KIF16B: variants seen among roughly 807,000 people sequenced by gnomAD.
The protein encoded by KIF16B is kinesin-like protein KIF16B.
Under a neutral mutation model 156.3 loss-of-function variants are expected in KIF16B, and 98 were observed. The ratio of observed to expected loss-of-function variants is 0.63; its 90% CI spans 0.53 to 0.74. The LOEUF (loss-of-function observed/expected upper bound fraction) is 0.74, where lower values mean the gene tolerates loss of function less well. Among genes scored for constraint, KIF16B ranks in the 30% least tolerant of loss-of-function variants. The pLI is 0.00. For synonymous variants in KIF16B, 564 were observed against 583.7 expected, an observed-to-expected ratio of 0.97 and a Z score of 0.49; for missense variants, 1,421 against 1,606.5, an observed-to-expected ratio of 0.88 and a Z score of 1.97.
chr20:16,304,663 T>C (rs894312075), intron 25 of KIF16B, among the ~76,000 whole-genome samples: 4 of 152,242 alleles, frequency 2.6e-5, no homozygotes, highest in Non-Finnish European at 5.9e-5. Context: ...TATTATTATA[T>C]GTTTTGTAAG....
At chr20:16,299,469 T>C (rs369556870) in intron 25 of KIF16B, among the ~76,000 whole-genome samples, 1 of 152,342 alleles carries the variant, frequency 6.6e-6, no homozygotes, top group African/African-American at 2.4e-5. Context: ...CTTTGCATGG[T>C]AGAAATTGGC....
In KIF16B at chr20:16,573,402, C is replaced by G. The variant is rs990600700; in HGVS notation, c.-127G>C. On this transcript the variant is annotated 5_prime_UTR_variant, in exon 1 of 26. Coordinates refer to ENST00000354981, the MANE Select transcript of KIF16B (RefSeq NM_024704.5). The stretch of plus-strand genomic sequence containing the variant: ...TCGCCCCCGCCCCTCTGCTCCCGGC[C>G]GGACCTGGAGTTCCGCGGCAGCCCC... The G allele has an allele frequency of 1.4e-5, 15 of 1,082,520 alleles. No homozygotes were observed. Among genetic ancestry groups the G allele is most frequent in the Non-Finnish European group, 1.9e-5 (14 of 749,040 alleles). 67.1% of individuals were successfully genotyped at this position (1,082,520 alleles called of 1,614,324 possible). A position where few individuals can be genotyped will look rare whatever the true frequency, so the allele number is the denominator to read the frequency against.
At chr20:16,312,558 C>T (rs574425472) in intron 24 of KIF16B, 140 bp from the exon 25 acceptor site, 4 of 655,722 alleles carry the variant, frequency 6.1e-6, no homozygotes, top group East Asian at 5.6e-5. Flanking sequence ...TCCTGCCTTG[C>T]TTTATCACCA....
intron 14 of KIF16B, among the ~76,000 whole-genome samples, chr20:16,428,502 A>T (rs1177025925): frequency 6.6e-6 from 1 of 152,186 alleles, no homozygotes; most frequent in Non-Finnish European, 1.5e-5. Context: ...CCATGCTTCC[A>T]CATGTGTGTA....
chr20:16,336,574 C>T (rs1568861714), intron 23 of KIF16B, among the ~76,000 whole-genome samples: 1 of 152,132 alleles, frequency 6.6e-6, no homozygotes, highest in East Asian at 1.9e-4. Context: ...TTCTCCACTT[C>T]CCACCTTTCT....
In KIF16B at chr20:16,427,182, C is replaced by T; in HGVS notation, c.1534G>A (p.Val512Met). 1.2e-6 allele frequency: 2 copies of T among 1,612,988 alleles called. No individual in the cohort carries two copies. The highest frequency in any genetic ancestry group is 2.2e-5 in the East Asian group (1 of 44,820). Residue 512 changes from valine to methionine, a missense_variant, in exon 15 of 26, where the codon GTG becomes ATG. Transcript: ENST00000354981. ...HCIFENIGGTVTLIPLSGSQC... is the reference protein window; with the variant it reads ...HCIFENIGGTMTLIPLSGSQC... Reference sequence around the variant, plus strand: ...GACCCACTCAGGGGTATCAGAGTCACTGTCCCCCCGATATTTTCAAAGATG... The same window carrying T: ...GACCCACTCAGGGGTATCAGAGTCATTGTCCCCCCGATATTTTCAAAGATG...
rs2063001034 is a variant in KIF16B, at chr20:16,272,715, T to G, written c.*538A>C. ...CTGTGTAAACATCAGTGTTTGGGTT[T>G]TATATAAAAGTTCTGATTCAAATGA... On this transcript the variant is annotated 3_prime_UTR_variant, in exon 26 of 26. Coordinates refer to ENST00000354981, the MANE Select transcript of KIF16B (RefSeq NM_024704.5). 1 of 152,816 alleles carries G rather than the reference T, an allele frequency of 6.5e-6. No homozygotes were observed. Among genetic ancestry groups the G allele is most frequent in the Non-Finnish European group, 1.5e-5 (1 of 68,188 alleles). The allele number at this position is 152,816 out of a possible 1,614,324, so 9.5% of individuals were successfully genotyped here. A position where few individuals can be genotyped will look rare whatever the true frequency, so the allele number is the denominator to read the frequency against.
At chr20:16,442,680 G>C (rs1294985256) in intron 12 of KIF16B, among the ~76,000 whole-genome samples, 1 of 152,036 alleles carries the variant, frequency 6.6e-6, no homozygotes. Flanking sequence ...GGAGTAGGGT[G>C]GGAGGAGAAC....
At chr20:16,356,235 A>C in intron 23 of KIF16B, 95 bp downstream of exon 23, 1 of 1,473,384 alleles carries the variant, frequency 6.8e-7, no homozygotes, top group Non-Finnish European at 9.4e-7. Flanking sequence ...GGATATTCAC[A>C]TGCAGCTTCA....
At chr20:16,460,579 C>T (rs975330173) in intron 12 of KIF16B, among the ~76,000 whole-genome samples, 3 of 151,838 alleles carry the variant, frequency 2.0e-5, no homozygotes, top group Non-Finnish European at 2.9e-5. Context: ...AAAAAATATT[C>T]GCAATGAGCC....
intron 25 of KIF16B, among the ~76,000 whole-genome samples, chr20:16,311,457 C>T (rs764227188): frequency 2.6e-5 from 4 of 152,206 alleles, no homozygotes; most frequent in Non-Finnish European, 4.4e-5. Flanking sequence ...CACTGAACTC[C>T]AGCCTGGGCA....
At chr20:16,482,943 A>C (rs931918608) in intron 12 of KIF16B, among the ~76,000 whole-genome samples, 2 of 152,088 alleles carry the variant, frequency 1.3e-5, no homozygotes, top group African/African-American at 4.8e-5. Context: ...ATTCATCTCA[A>C]TCAATCAGGG....
At chr20:16,503,348 T>C (rs988636610) in intron 10 of KIF16B, among the ~76,000 whole-genome samples, 10 of 152,202 alleles carry the variant, frequency 6.6e-5, no homozygotes, top group Non-Finnish European at 1.0e-4. Flanking sequence ...GCAAAATGCA[T>C]GTGGAGATAT....
rs185352089 is a variant in KIF16B, at chr20:16,441,531, T to C, written c.1303-11549A>G. Reference sequence around the variant, plus strand: ...GTTTCTCCCGCTAGACCAAGAAGCTTTCAAAAAATTGGTATTTTTTGAAAT... The same window carrying C: ...GTTTCTCCCGCTAGACCAAGAAGCTCTCAAAAAATTGGTATTTTTTGAAAT... On this transcript the variant is annotated intron_variant, in intron 12 of 25. Transcript: ENST00000354981. Among the ~76,000 whole-genome samples, 234 of 152,286 alleles carry C rather than the reference T, an allele frequency of 1.5e-3. 1 individual carries two copies. Among genetic ancestry groups the C allele is most frequent in the African/African-American group, 5.1e-3 (211 of 41,580 alleles).
chr20:16,358,439 G>T (rs1198869510), intron 22 of KIF16B, among the ~76,000 whole-genome samples: 1 of 152,182 alleles, frequency 6.6e-6, no homozygotes, highest in Non-Finnish European at 1.5e-5. Context: ...CACAGAAAAT[G>T]GACATGGGAT....
At chr20:16,323,124 A>G (rs1245079909) in intron 24 of KIF16B, among the ~76,000 whole-genome samples, 1 of 151,966 alleles carries the variant, frequency 6.6e-6, no homozygotes, top group African/African-American at 2.4e-5. Flanking sequence ...TTCTGTTAAC[A>G]CCTGATAAAA....
intron 1 of KIF16B, among the ~76,000 whole-genome samples, chr20:16,548,682 A>G (rs2070508619): frequency 6.6e-6 from 1 of 152,216 alleles, no homozygotes; most frequent in South Asian, 2.1e-4. Flanking sequence ...CTGTCCATGG[A>G]AAAACTGTCT....
At chr20:16,281,469 A>T (rs1453314418) in intron 25 of KIF16B, among the ~76,000 whole-genome samples, 1 of 152,174 alleles carries the variant, frequency 6.6e-6, no homozygotes, top group Non-Finnish European at 1.5e-5. Flanking sequence ...ACCCCTGGCT[A>T]TGTATCACGC....
chr20:16,292,944 T>C (rs1333644726), intron 25 of KIF16B, among the ~76,000 whole-genome samples: 1 of 152,174 alleles, frequency 6.6e-6, no homozygotes, highest in Non-Finnish European at 1.5e-5. Flanking sequence ...GTGCAGTGCT[T>C]CTCAAATAAT....
Sources: allele counts gnomAD v4.1 joint callset (sites outside exome capture counted in the v4.1 genomes callset), GRCh38; gene constraint gnomAD v4.1.1; transcripts MANE v1.5; gene names NCBI Gene and HGNC (gene_info 2026-07-23, HGNC 2026-07-21).